PDE3A: variants seen among roughly 807,000 people sequenced by gnomAD.
PDE3A encodes cGMP-inhibited 3',5'-cyclic phosphodiesterase 3A.
PDE3A carries 43 observed loss-of-function variants against 98.3 expected under a neutral mutation model. The ratio of observed to expected loss-of-function variants is 0.44; its 90% confidence interval spans 0.34 to 0.56. The LOEUF (loss-of-function observed/expected upper bound fraction) is 0.56. PDE3A is among the 20% of genes least tolerant of loss of function. PDE3A has a pLI of 0.01. For missense variants in PDE3A, 1,427 were observed against 1,440.7 expected (o/e 0.99, Z 0.15); for synonymous variants, 663 against 567.9 (o/e 1.17, Z -2.38).
intron 1 of PDE3A, among the ~76,000 whole-genome samples, chr12:20,534,841 A>G (rs1460419081): frequency 6.6e-6 from 1 of 152,204 alleles, no homozygotes; most frequent in African/African-American, 2.4e-5. Context: ...AACAAAGATG[A>G]TATCATTAAT....
chr12:20,443,585 T>A (rs1366545391), intron 1 of PDE3A, among the ~76,000 whole-genome samples: 2 of 152,164 alleles, frequency 1.3e-5, no homozygotes, highest in Non-Finnish European at 2.9e-5. Flanking sequence ...TAAGACTAAC[T>A]CTTTTCGTTT....
At chr12:20,398,961 AAAC>A (rs1944070758) in intron 1 of PDE3A, among the ~76,000 whole-genome samples, 1 of 152,138 alleles carries the variant, frequency 6.6e-6, no homozygotes, top group Non-Finnish European at 1.5e-5. Context: ...ATGCACATTT[AAAC>A]AACAACTTCC....
At chr12:20,512,914 G>T (rs925510826) in intron 1 of PDE3A, among the ~76,000 whole-genome samples, 2 of 152,012 alleles carry the variant, frequency 1.3e-5, no homozygotes, top group African/African-American at 4.8e-5. Context: ...ATTCAATAAT[G>T]CCGTATTATT....
rs2121257478 is a variant in PDE3A, at chr12:20,552,609, G to T, written c.961-4051G>T. ...CAGGAGGTGGCCCGAGCAGGGCCGG[G>T]TCCCCGCGCCGGACATCCAAGAAAA... is the stretch of plus-strand genomic sequence containing the variant. On this transcript the variant is annotated intron_variant, in intron 1 of 15. Transcript: ENST00000359062. The surrounding 1 kb of genome is among the most constrained non-coding windows in gnomAD (Gnocchi z 5.1). 1 of 1,613,720 alleles carries T rather than the reference G, an allele frequency of 6.2e-7. No homozygotes were observed. Among genetic ancestry groups the T allele is most frequent in the East Asian group, 2.2e-5 (1 of 44,842 alleles).
chr12:20,419,738 AT>A (rs34873079), intron 1 of PDE3A, among the ~76,000 whole-genome samples: 7 of 132,668 alleles, frequency 5.3e-5, no homozygotes, highest in Admixed American at 8.0e-5. Flanking sequence ...TTAATATTGT[AT>A]TTTTTTTTTT....
At chr12:20,553,196 A>G (rs1172187545) in intron 1 of PDE3A, among the ~76,000 whole-genome samples, 1 of 130,064 alleles carries the variant, frequency 7.7e-6, no homozygotes, top group Non-Finnish European at 1.6e-5. Context: ...TCAGGAATTT[A>G]TGTATTCTGG....
intron 15 of PDE3A, among the ~76,000 whole-genome samples, chr12:20,655,117 A>G (rs7970439): frequency 0.07 from 10,721 of 152,202 alleles, 793 homozygotes; most frequent in African/African-American, 0.19. Flanking sequence ...TAGTATGTTA[A>G]ATACAGTATT....
intron 14 of PDE3A, among the ~76,000 whole-genome samples, chr12:20,651,396 G>A (rs184230310): frequency 6.6e-6 from 1 of 152,200 alleles, no homozygotes; most frequent in Admixed American, 6.5e-5. Flanking sequence ...TTTACTCTTG[G>A]GGAAATATAA....
chr12:20,496,907 A>G (rs957641019), intron 1 of PDE3A, among the ~76,000 whole-genome samples: 5 of 152,158 alleles, frequency 3.3e-5, no homozygotes, highest in Non-Finnish European at 2.9e-5. Flanking sequence ...AATTTATCTT[A>G]CTAATGATGC....
intron 1 of PDE3A, among the ~76,000 whole-genome samples, chr12:20,471,891 T>C (rs1945445755): frequency 1.3e-5 from 2 of 152,184 alleles, no homozygotes; most frequent in Admixed American, 1.3e-4. Context: ...ACTCAGGATG[T>C]AAATGAAATG....
intron 7 of PDE3A, among the ~76,000 whole-genome samples, chr12:20,634,609 AAAAGAAACAT>A (rs1174768089): frequency 6.6e-6 from 1 of 152,196 alleles, no homozygotes; most frequent in Non-Finnish European, 1.5e-5. Flanking sequence ...AAATAGAGAA[AAAAGAAACAT>A]AAAGCTGTAG....
chr12:20,505,678 A>G (rs923588392), intron 1 of PDE3A, among the ~76,000 whole-genome samples: 2 of 152,068 alleles, frequency 1.3e-5, no homozygotes, highest in Non-Finnish European at 2.9e-5. Flanking sequence ...TGTTAGTCCA[A>G]GTTCCTGTTG....
intron 1 of PDE3A, among the ~76,000 whole-genome samples, chr12:20,419,878 A>G (rs2120748986): frequency 6.6e-6 from 1 of 151,672 alleles, no homozygotes; most frequent in East Asian, 2.0e-4. Flanking sequence ...AGCTGGGATT[A>G]CAGATGTGTG....
At chr12:20,647,703 C>T (rs1175645789) in intron 12 of PDE3A, among the ~76,000 whole-genome samples, 1 of 151,972 alleles carries the variant, frequency 6.6e-6, no homozygotes, top group Non-Finnish European at 1.5e-5. Context: ...TGTTCATTTC[C>T]ACAGCTCATC....
intron 2 of PDE3A, among the ~76,000 whole-genome samples, chr12:20,564,600 G>C (rs374543692): frequency 6.6e-6 from 1 of 152,118 alleles, no homozygotes; most frequent in Non-Finnish European, 1.5e-5. Context: ...GTTTGGCTCT[G>C]TCCTCACAGT....
chr12:20,388,282 A>G (rs1591874147), intron 1 of PDE3A, among the ~76,000 whole-genome samples: 1 of 152,010 alleles, frequency 6.6e-6, no homozygotes, highest in Admixed American at 6.6e-5. Flanking sequence ...AAAATTTCTT[A>G]TAAAATTGGA....
At chr12:20,554,547 AT>A (rs940959164) in intron 1 of PDE3A, among the ~76,000 whole-genome samples, 1 of 150,780 alleles carries the variant, frequency 6.6e-6, no homozygotes, top group Non-Finnish European at 1.5e-5. Flanking sequence ...GGCTTTAATT[AT>A]TTTTTACCCT....
chr12:20,444,584 CT>C (rs1365311088), intron 1 of PDE3A, among the ~76,000 whole-genome samples: 1 of 152,174 alleles, frequency 6.6e-6, no homozygotes, highest in Non-Finnish European at 1.5e-5. Context: ...ATATAATTGT[CT>C]TGACAACAAA....
intron 5 of PDE3A, among the ~76,000 whole-genome samples, chr12:20,624,387 T>C (rs1157935227): frequency 6.6e-6 from 1 of 152,108 alleles, no homozygotes; most frequent in Non-Finnish European, 1.5e-5. Context: ...TCAGATCAAG[T>C]GATGGAACAG....
Sources: allele counts gnomAD v4.1 joint callset (sites outside exome capture counted in the v4.1 genomes callset), GRCh38; gene constraint gnomAD v4.1.1; non-coding constraint Gnocchi (gnomAD v3.1); transcripts MANE v1.5; gene names NCBI Gene and HGNC (gene_info 2026-07-23, HGNC 2026-07-21).